The following UBE4B variants were observed in gnomAD, a reference collection of about 807,000 sequenced individuals.
UBE4B encodes ubiquitin conjugation factor E4 B.
UBE4B carries 27 observed loss-of-function variants against 148.1 expected under a neutral mutation model. That is an observed-to-expected ratio of 0.18 (90% CI 0.13 to 0.25). The LOEUF is 0.25. Among genes scored for constraint, UBE4B ranks in the 10% least tolerant of loss-of-function variants. UBE4B has a pLI of 1.00. For missense variants in UBE4B, 1,170 were observed against 1,662.4 expected (o/e 0.70, Z 5.15); for synonymous variants, 596 against 619.3 (o/e 0.96, Z 0.56).
At chr1:10,049,682 C>T (rs1056049719) in intron 1 of UBE4B, among the ~76,000 whole-genome samples, 18 of 152,084 alleles carry the variant, frequency 1.2e-4, no homozygotes. Context: ...GGGCAGATCA[C>T]TTGAGTCCAG....
At position 10,180,235 on chromosome 1, in the gene UBE4B, GT is replaced by G; in HGVS notation, c.*282del. On this transcript the variant is annotated 3_prime_UTR_variant, in exon 28 of 28. Transcript: ENST00000343090. ...TAAAGCATGTCCTTCGTATGTCACA[GT>G]TTGGGGCAACGGAAGTCTTTTAGTG... is the stretch of plus-strand genomic sequence containing the variant. 2 of 462,598 alleles carry G rather than the reference GT, an allele frequency of 4.3e-6. No individual in the cohort carries two copies. The highest frequency in any genetic ancestry group is 7.5e-5 in the East Asian group (2 of 26,632). The allele number at this position is 462,598 out of a possible 1,614,324, so 28.7% of individuals were successfully genotyped here. A position where few individuals can be genotyped will look rare whatever the true frequency, so the allele number is the denominator to read the frequency against.
intron 1 of UBE4B, among the ~76,000 whole-genome samples, chr1:10,064,429 G>A (rs1357270503): frequency 6.6e-6 from 1 of 152,230 alleles, no homozygotes; most frequent in Non-Finnish European, 1.5e-5. Context: ...CGTGCAGTAA[G>A]TAATAGAACA....
intron 17 of UBE4B, among the ~76,000 whole-genome samples, chr1:10,143,452 T>G (rs958641170): frequency 1.3e-5 from 2 of 152,148 alleles, no homozygotes; most frequent in Non-Finnish European, 2.9e-5. Context: ...TTTGCTTCCA[T>G]TGTCCCATTG....
At chr1:10,159,723 A>G (rs1057485022) in intron 22 of UBE4B, among the ~76,000 whole-genome samples, 2 of 152,194 alleles carry the variant, frequency 1.3e-5, no homozygotes, top group Non-Finnish European at 2.9e-5. Context: ...TATCCCACCT[A>G]CTTGGATCTT....
Position 10,106,729 on chromosome 1 carries a change from C to G in UBE4B, c.1196+146C>G, listed in dbSNP as rs1645118641. On this transcript the variant is annotated intron_variant, in intron 7 of 27. Transcript: ENST00000343090. This position sits in a 1 kb window ranked among gnomAD's most constrained non-coding sequence, Gnocchi z 4.2. ...CTGTGTGGCTAACTAGTTTGGTAGG[C>G]ACGTACTCTGAGTCCATGCTTCTGC... 1 of 1,134,982 alleles carries G rather than the reference C, an allele frequency of 8.8e-7. No homozygotes were observed. The highest frequency in any genetic ancestry group is 1.2e-6 in the Non-Finnish European group (1 of 843,156). The allele number at this position is 1,134,982 out of a possible 1,614,324, so 70.3% of individuals were successfully genotyped here.
intron 3 of UBE4B, among the ~76,000 whole-genome samples, chr1:10,097,052 A>AAAAATAAT (rs554089049): frequency 5.8e-4 from 81 of 138,528 alleles, no homozygotes; most frequent in African/African-American, 9.0e-4. Flanking sequence ...AAAAAAAAAA[A>AAAAATAAT]AATAATAATA....
intron 1 of UBE4B, among the ~76,000 whole-genome samples, chr1:10,065,929 A>G (rs1234329048): frequency 6.6e-6 from 1 of 152,078 alleles, no homozygotes; most frequent in Non-Finnish European, 1.5e-5. Context: ...TTTCAATTCA[A>G]TTTTTTAAAA....
intron 25 of UBE4B, among the ~76,000 whole-genome samples, chr1:10,173,951 G>A (rs1188686138): frequency 2.0e-5 from 3 of 152,200 alleles, no homozygotes; most frequent in Non-Finnish European, 2.9e-5. Flanking sequence ...TTATGGTGGT[G>A]GCCTCTGGTG....
intron 2 of UBE4B, among the ~76,000 whole-genome samples, chr1:10,089,829 A>G (rs1377858915): frequency 6.6e-6 from 1 of 151,442 alleles, no homozygotes; most frequent in Non-Finnish European, 1.5e-5. Flanking sequence ...CCTCCTGAGT[A>G]GCTGGGATTA....
At chr1:10,132,997 A>G (rs533879571) in intron 15 of UBE4B, among the ~76,000 whole-genome samples, 2 of 152,198 alleles carry the variant, frequency 1.3e-5, no homozygotes, top group African/African-American at 2.4e-5. Flanking sequence ...CAGAACTGTC[A>G]TGGGAGGGTT....
chr1:10,107,115 A>G, intron 7 of UBE4B: 1 of 1,112,188 alleles, frequency 9.0e-7, no homozygotes, highest in Non-Finnish European at 1.2e-6. Flanking sequence ...TCAGTGGCCA[A>G]AAGTTTTAGT....
chr1:10,112,327 G>A (rs1469927359), intron 7 of UBE4B, among the ~76,000 whole-genome samples: 2 of 152,182 alleles, frequency 1.3e-5, no homozygotes, highest in African/African-American at 2.4e-5. Context: ...AGTTGTAAAA[G>A]CATCATGAAT....
intron 5 of UBE4B, among the ~76,000 whole-genome samples, chr1:10,103,633 T>TG (rs1645054280): frequency 7.8e-6 from 1 of 127,678 alleles, no homozygotes; most frequent in Non-Finnish European, 1.7e-5. Flanking sequence ...TTTGTTTTTG[T>TG]TTTTTTTTTT....
At chr1:10,037,917 T>C (rs1643601328) in intron 1 of UBE4B, among the ~76,000 whole-genome samples, 1 of 152,194 alleles carries the variant, frequency 6.6e-6, no homozygotes, top group African/African-American at 2.4e-5. Context: ...GATTTTTCTC[T>C]CCTAACTCTT....
chr1:10,133,901 A>G (rs572157972), intron 15 of UBE4B, among the ~76,000 whole-genome samples: 1 of 151,950 alleles, frequency 6.6e-6, no homozygotes. Context: ...AAAATAAAAA[A>G]TTAGCCAGTA....
At chr1:10,135,486 C>G (rs1645665256) in intron 16 of UBE4B, among the ~76,000 whole-genome samples, 1 of 152,086 alleles carries the variant, frequency 6.6e-6, no homozygotes, top group African/African-American at 2.4e-5. Context: ...CGCCTGTAAT[C>G]CCAGCACTTT....
intron 9 of UBE4B, 106 bp downstream of exon 9, chr1:10,119,719 C>T: frequency 1.1e-6 from 1 of 899,764 alleles, no homozygotes. Flanking sequence ...TAACTCCCTT[C>T]CTCACCTGTA....
At chr1:10,038,007 G>A (rs533664751) in intron 1 of UBE4B, among the ~76,000 whole-genome samples, 1 of 152,210 alleles carries the variant, frequency 6.6e-6, no homozygotes, top group Admixed American at 6.5e-5. Context: ...TTGGCCGGGC[G>A]CAGTGGCCCA....
intron 25 of UBE4B, among the ~76,000 whole-genome samples, chr1:10,172,313 A>G (rs1646351060): frequency 6.6e-6 from 1 of 152,220 alleles, no homozygotes; most frequent in Non-Finnish European, 1.5e-5. Flanking sequence ...TATTAACTGT[A>G]CACCTCATTT....
Sources: gnomAD v4.1 joint callset for allele counts (sites outside exome capture counted in the v4.1 genomes callset) on GRCh38, gnomAD v4.1.1 for gene constraint, Gnocchi (gnomAD v3.1) non-coding constraint, MANE v1.5 for transcripts, NCBI Gene and HGNC (gene_info 2026-07-23, HGNC 2026-07-21) for gene names.